TFPI: variants seen among roughly 807,000 people sequenced by gnomAD.
TFPI encodes the protein anti-convertin.
A neutral mutation model predicts 34.6 loss-of-function variants in TFPI; 15 were observed. That is an observed-to-expected ratio of 0.43 (90% CI 0.29 to 0.67). TFPI has a LOEUF of 0.67. Among genes scored for constraint, TFPI ranks in the 30% least tolerant of loss-of-function variants. The probability of loss-of-function intolerance (pLI) is 0.15; values close to 1 mark genes in which losing one functional copy is unlikely to be tolerated. For missense variants in TFPI, 301 were observed against 364.0 expected, an observed-to-expected ratio of 0.83 and a Z score of 1.41; for synonymous variants, 105 against 120.1, an observed-to-expected ratio of 0.87 and a Z score of 0.82.
intron 1 of TFPI, among the ~76,000 whole-genome samples, chr2:187,527,638 A>G (rs950825513): frequency 6.6e-6 from 1 of 152,338 alleles, no homozygotes; most frequent in East Asian, 1.9e-4. Context: ...TATATATGAC[A>G]TAAAATTAAA....
rs985632780 is a variant in TFPI at position 187,531,904 on chromosome 2, T to G, written c.-3+22296A>C. On this transcript the variant is annotated intron_variant, in intron 1 of 7. Coordinates refer to ENST00000233156, the MANE Select transcript of TFPI (RefSeq NM_006287.6). ...AAAGGATTGAGAGAATGAAGATTTCTTACCAACTGCTTTTATTTAAAATTT... is the reference window on the plus strand; with the variant it reads ...AAAGGATTGAGAGAATGAAGATTTCGTACCAACTGCTTTTATTTAAAATTT... Among the ~76,000 whole-genome samples the G allele has an allele frequency of 4.7e-5, 7 of 150,280 alleles. No homozygotes were observed. In the South Asian group the frequency reaches 1.5e-3, roughly 32 times the overall value.
chr2:187,529,106 A>G (rs551409059), intron 1 of TFPI, among the ~76,000 whole-genome samples: 45 of 152,346 alleles, frequency 3.0e-4, no homozygotes, highest in African/African-American at 1.0e-3. Flanking sequence ...ACGAACACGA[A>G]TAAAAAAGCC....
chr2:187,496,900 G>A lies in TFPI; in HGVS notation c.300C>T (p.Cys100=), dbSNP rs200361342. Residue 100 remains cysteine, a synonymous_variant, in exon 3 of 8, where the codon TGC becomes TGT. Coordinates refer to ENST00000233156, the MANE Select transcript of TFPI (RefSeq NM_006287.6). ...NQNRFESLEE[C]KKMCTRDNAN... is the part of the protein sequence containing the mutation. ...ACCTACCTCTTGTACACATTTTTTT[G>A]CACTCTTCCAGACTTTCAAATCGAT... The A allele has an allele frequency of 1.2e-6, 2 of 1,610,508 alleles. No individual in the cohort carries two copies. Among genetic ancestry groups the A allele is most frequent in the Non-Finnish European group, 1.7e-6 (2 of 1,178,510 alleles).
intron 3 of TFPI, among the ~76,000 whole-genome samples, chr2:187,493,167 G>T (rs1171474033): frequency 6.6e-6 from 1 of 152,158 alleles, no homozygotes; most frequent in African/African-American, 2.4e-5. Flanking sequence ...TACATCTTCT[G>T]AAATCTAGAT....
intron 1 of TFPI, among the ~76,000 whole-genome samples, chr2:187,548,049 T>C (rs1688960275): frequency 6.6e-6 from 1 of 152,028 alleles, no homozygotes; most frequent in Admixed American, 6.6e-5. Context: ...ATATAAAAAA[T>C]ATATAGTTAA....
chr2:187,543,550 A>G (rs1688691997), intron 1 of TFPI, among the ~76,000 whole-genome samples: 1 of 152,228 alleles, frequency 6.6e-6, no homozygotes, highest in South Asian at 2.1e-4. Flanking sequence ...AAAGAAGTTT[A>G]GTCATCTGGT....
chr2:187,472,391 T>C (rs888877241), intron 6 of TFPI, among the ~76,000 whole-genome samples: 3 of 152,196 alleles, frequency 2.0e-5, no homozygotes, highest in African/African-American at 7.2e-5. Context: ...GAGGACATAC[T>C]TCTAAAATTA....
At chr2:187,521,551 G>C (rs1350922866) in intron 1 of TFPI, among the ~76,000 whole-genome samples, 1 of 151,702 alleles carries the variant, frequency 6.6e-6, no homozygotes, top group Non-Finnish European at 1.5e-5. Flanking sequence ...TTACATCCCC[G>C]CCAACAATTT....
At chr2:187,532,772 A>G (rs971450899) in intron 1 of TFPI, among the ~76,000 whole-genome samples, 15 of 152,116 alleles carry the variant, frequency 9.9e-5, no homozygotes, top group Admixed American at 6.5e-5. Flanking sequence ...CAGGGAGGCA[A>G]GTGGTCTAGC....
intron 1 of TFPI, among the ~76,000 whole-genome samples, chr2:187,537,500 A>G (rs912382541): frequency 1.3e-5 from 2 of 152,242 alleles, no homozygotes; most frequent in African/African-American, 4.8e-5. Flanking sequence ...AGGATTCCCT[A>G]TTTAATAAAT....
intron 1 of TFPI, among the ~76,000 whole-genome samples, chr2:187,509,225 A>T (rs543416645): frequency 1.3e-5 from 2 of 152,178 alleles, no homozygotes; most frequent in African/African-American, 4.8e-5. Context: ...TTTTCACATT[A>T]ATGTTCATCA....
intron 1 of TFPI, among the ~76,000 whole-genome samples, chr2:187,551,894 G>A (rs1689108919): frequency 6.6e-6 from 1 of 151,858 alleles, no homozygotes; most frequent in South Asian, 2.1e-4. Flanking sequence ...TGCTATAGAT[G>A]GTAAACAAAA....
chr2:187,488,645 A>G (rs947255193), intron 3 of TFPI, among the ~76,000 whole-genome samples: 2 of 151,506 alleles, frequency 1.3e-5, no homozygotes, highest in African/African-American at 4.8e-5. Context: ...GAGAATTCAT[A>G]GTGACTATGT....
At chr2:187,487,035 TATGAG>T (rs1383811879) in intron 4 of TFPI, among the ~76,000 whole-genome samples, 2 of 151,638 alleles carry the variant, frequency 1.3e-5, no homozygotes, top group Non-Finnish European at 3.0e-5. Flanking sequence ...TCATATATAA[TATGAG>T]ATAAGAATGA....
intron 1 of TFPI, among the ~76,000 whole-genome samples, chr2:187,534,798 T>C (rs62172424): frequency 0.18 from 27,654 of 151,772 alleles, 2,609 homozygotes; most frequent in East Asian, 0.32. Context: ...TCAAAACCCA[T>C]TGGTGTGCTG....
chr2:187,524,880 C>T (rs1687599153), intron 1 of TFPI, among the ~76,000 whole-genome samples: 2 of 151,984 alleles, frequency 1.3e-5, no homozygotes, highest in South Asian at 4.1e-4. Context: ...AGAATGATTG[C>T]TGAAATTCCA....
intron 3 of TFPI, among the ~76,000 whole-genome samples, chr2:187,495,323 A>T (rs8176459): frequency 0.036 from 5,421 of 152,290 alleles, 288 homozygotes; most frequent in African/African-American, 0.11. Flanking sequence ...CCAGGCTTCT[A>T]GCCAAGGTAC....
In TFPI at chr2:187,484,191, A is replaced by G. The variant is rs756559251; in HGVS notation, c.561T>C (p.Tyr187=). 25 of 1,612,026 alleles carry G rather than the reference A, an allele frequency of 1.6e-5. No homozygotes were observed. The South Asian group carries it at 2.1e-4, about 13-fold the overall frequency. Residue 187 remains tyrosine, a synonymous_variant, in exon 6 of 8, where the codon TAT becomes TAC. Coordinates refer to ENST00000233156, the MANE Select transcript of TFPI (RefSeq NM_006287.6). ...TATTCACAGCATTGAGCTGGGTTCC[A>G]TAATTATCCACCTGGAAACCATTCG... The part of the protein sequence containing the change: ...DGPNGFQVDN[Y]GTQLNAVNNS...
At chr2:187,512,446 C>G (rs1686709751) in intron 1 of TFPI, among the ~76,000 whole-genome samples, 1 of 150,754 alleles carries the variant, frequency 6.6e-6, no homozygotes, top group African/African-American at 2.4e-5. Context: ...AATTACTATA[C>G]AAAGGTTCAA....
Sources: allele counts gnomAD v4.1 joint callset (sites outside exome capture counted in the v4.1 genomes callset), GRCh38; gene constraint gnomAD v4.1.1; transcripts MANE v1.5; gene names NCBI Gene and HGNC (gene_info 2026-07-23, HGNC 2026-07-21).